Variants in DENND4C observed in about 807,000 individuals in gnomAD.
DENND4C encodes the protein DENN domain-containing protein 4C.
DENND4C carries 108 observed loss-of-function variants against 203.0 expected under a neutral mutation model. The ratio of observed to expected loss-of-function variants is 0.53; its 90% CI spans 0.46 to 0.62. The LOEUF (loss-of-function observed/expected upper bound fraction) is 0.62. Among genes scored for constraint, DENND4C ranks in the 20% least tolerant of loss-of-function variants. The pLI, the probability that DENND4C is intolerant of heterozygous loss-of-function variation, is 0.00. For missense variants in DENND4C, 2,481 were observed against 2,301.2 expected, an observed-to-expected ratio of 1.08 and a Z score of -1.60; for synonymous variants, 871 against 792.4, an observed-to-expected ratio of 1.10 and a Z score of -1.67.
chr9:19,337,656 A>G, intron 20 of DENND4C: 1 of 1,288,660 alleles, frequency 7.8e-7, no homozygotes, highest in Non-Finnish European at 1.0e-6. Context: ...TCTACCCTTG[A>G]ATGTTAACCA....
chr9:19,267,312 T>C (rs1387038252), intron 1 of DENND4C, among the ~76,000 whole-genome samples: 1 of 152,228 alleles, frequency 6.6e-6, no homozygotes, highest in Non-Finnish European at 1.5e-5. Context: ...TGTGTATTTA[T>C]AAATGTTACA....
chr9:19,263,242 C>G (rs78239288), intron 1 of DENND4C, among the ~76,000 whole-genome samples: 2 of 152,122 alleles, frequency 1.3e-5, no homozygotes, highest in African/African-American at 4.8e-5. Context: ...TCACATTGAT[C>G]GATTTGTTTA....
intron 1 of DENND4C, among the ~76,000 whole-genome samples, chr9:19,269,287 A>C (rs573190947): frequency 6.6e-6 from 1 of 152,080 alleles, no homozygotes; most frequent in East Asian, 1.9e-4. Flanking sequence ...TCGCCTCCCG[A>C]GTAGCTGGAA....
intron 1 of DENND4C, among the ~76,000 whole-genome samples, chr9:19,275,354 G>C (rs1359714923): frequency 1.4e-5 from 2 of 142,330 alleles, no homozygotes; most frequent in African/African-American, 5.3e-5. Context: ...GTGCAGTGGC[G>C]CAATTTGGGC....
chr9:19,263,816 C>T (rs757517438), intron 1 of DENND4C, among the ~76,000 whole-genome samples: 1 of 151,844 alleles, frequency 6.6e-6, no homozygotes, highest in Admixed American at 6.6e-5. Flanking sequence ...CCACCACGCC[C>T]GGCTAAATTT....
Position 19,352,189 on chromosome 9 carries a change from G to A in DENND4C, c.4605+7G>A, listed in dbSNP as rs772565326. The A allele has an allele frequency of 1.5e-5, 24 of 1,607,710 alleles. 1 individual carries two copies. The Middle Eastern group carries it at 4.9e-4, about 33-fold the overall frequency. ...TCAGAATTGTGCAATGGAGGTAAAA[G>A]TTCTATATTCAGTTCATGATAAAGT... On this transcript the variant is annotated splice_region_variant and intron_variant, in intron 25 of 32. Coordinates refer to ENST00000434457, the MANE Select transcript of DENND4C (RefSeq NM_001330640.2).
chr9:19,353,594 C>T (rs572659029), intron 26 of DENND4C, among the ~76,000 whole-genome samples: 1 of 151,800 alleles, frequency 6.6e-6, no homozygotes, highest in South Asian at 2.1e-4. Context: ...CACCACTGCA[C>T]TCCAGTCTGG....
At chr9:19,335,295 T>C (rs1475514987) in intron 18 of DENND4C, among the ~76,000 whole-genome samples, 190 bp downstream of exon 18, 2 of 152,164 alleles carry the variant, frequency 1.3e-5, no homozygotes, top group East Asian at 3.8e-4. Flanking sequence ...TTGAGATATG[T>C]ATATTGTGGA....
chr9:19,337,834 G>T (rs1386891915), intron 20 of DENND4C, among the ~76,000 whole-genome samples: 1 of 152,026 alleles, frequency 6.6e-6, no homozygotes, highest in Non-Finnish European at 1.5e-5. Context: ...AAAATATCCA[G>T]CTAACTTTTT....
chr9:19,254,032 C>G (rs1207916488), intron 1 of DENND4C, among the ~76,000 whole-genome samples: 1 of 152,110 alleles, frequency 6.6e-6, no homozygotes, highest in Non-Finnish European at 1.5e-5. Context: ...AACTGTATAT[C>G]TAAGTTGATT....
intron 7 of DENND4C, among the ~76,000 whole-genome samples, chr9:19,298,549 C>T (rs751165163): frequency 2.0e-5 from 3 of 152,014 alleles, no homozygotes; most frequent in Admixed American, 6.6e-5. Flanking sequence ...AAGTAGCAGA[C>T]GTAGGTAGGT....
intron 6 of DENND4C, among the ~76,000 whole-genome samples, chr9:19,296,914 G>T (rs1275173904): frequency 6.6e-6 from 1 of 152,182 alleles, no homozygotes; most frequent in Non-Finnish European, 1.5e-5. Context: ...TAGTCGGAAT[G>T]AGTTAATTGA....
Position 19,300,277 on chromosome 9 carries a change from G to C in DENND4C, c.1257G>C (p.Leu419=), listed in dbSNP as rs367639365. ...LLFVLLESKI[L]LHSLRPAVLT... ...TTGTTTTACTTGAGAGTAAAATTCT[G>C]CTGCATTCTCTTAGGCCAGCTGTCT... The change falls in exon 9 of 33, where the codon CTG becomes CTC. Residue 419 remains leucine, a synonymous_variant. Coordinates refer to ENST00000434457, the MANE Select transcript of DENND4C (RefSeq NM_001330640.2). 23 of 1,611,986 alleles carry C rather than the reference G, an allele frequency of 1.4e-5. No individual in the cohort carries two copies. The highest frequency in any genetic ancestry group is 2.0e-5 in the Non-Finnish European group (23 of 1,178,636).
At chr9:19,321,176 C>T (rs1842818583) in intron 12 of DENND4C, among the ~76,000 whole-genome samples, 1 of 152,202 alleles carries the variant, frequency 6.6e-6, no homozygotes, top group Admixed American at 6.5e-5. Flanking sequence ...TCCTTGGCTT[C>T]CATACAGAGA....
At position 19,358,083 on chromosome 9, in the gene DENND4C, C is replaced by G. The variant is rs374147482; in HGVS notation, c.5083C>G (p.Gln1695Glu). ...AAGTCACAGTGTTGGAGGCCCATTG[C>G]AGAATATTGACTTTACCCAGCGACC... The part of the protein sequence containing the change: ...TRSHSVGGPL[Q>E]NIDFTQRPFH... The change falls in exon 28 of 33, where the codon CAG becomes GAG. Residue 1695 changes from glutamine (Q) to glutamate (E), a missense_variant. Coordinates refer to ENST00000434457, the MANE Select transcript of DENND4C (RefSeq NM_001330640.2). The surrounding 1 kb of genome is among the most constrained non-coding windows in gnomAD (Gnocchi z 4.8). 3 of 1,613,830 alleles carry G rather than the reference C, an allele frequency of 1.9e-6. No individual in the cohort carries two copies. In the African/African-American group the frequency reaches 4.0e-5, roughly 22 times the overall value.
At chr9:19,356,788 T>TGAGAGAGAGAGAGA (rs60635871) in intron 26 of DENND4C, among the ~76,000 whole-genome samples, 184 bp from the exon 27 acceptor site, 5 of 140,378 alleles carry the variant, frequency 3.6e-5, no homozygotes, top group South Asian at 2.2e-4. Flanking sequence ...TGTGTGTGTG[T>TGAGAGAGAGAGAGA]GAGAGAGAGA....
Position 19,294,212 on chromosome 9 carries a change from C to T in DENND4C, c.802-1796C>T, listed in dbSNP as rs529362241. Among the ~76,000 whole-genome samples, 4 of 150,804 alleles carry T rather than the reference C, an allele frequency of 2.7e-5. No individual in the cohort carries two copies. In the East Asian group the frequency reaches 7.8e-4, roughly 29 times the overall value. On this transcript the variant is annotated intron_variant, in intron 5 of 32. Transcript: ENST00000434457. ...TAAAACCATGAGAGAATGAAATGTT[C>T]CAAATAGAAGTGTGAAGTTAGAACC...
rs766638485 is a variant in DENND4C at position 19,305,413 on chromosome 9, C to T, written c.1373C>T (p.Ala458Val). 1 of 1,613,900 alleles carries T rather than the reference C, an allele frequency of 6.2e-7. No individual in the cohort carries two copies. The highest frequency in any genetic ancestry group is 2.2e-5 in the East Asian group (1 of 44,854). The stretch of plus-strand genomic sequence containing the variant: ...CCCCTTTGTCCTCTTTCACTGGCTG[C>T]AGTGCTTAGTGCACCTTTACCATTT... ...YIPLCPLSLA[A>V]VLSAPLPFIV... is the part of the protein sequence containing the mutation. The change falls in exon 10 of 33, where the codon GCA (alanine) becomes GTA (valine). Residue 458 changes from alanine (A) to valine (V), a missense_variant. Around this residue, in one of 3 missense-constraint regions of DENND4C, gnomAD observed 2,289 missense variants for 2,113.3 expected, o/e 1.08. Transcript: ENST00000434457.
intron 1 of DENND4C, among the ~76,000 whole-genome samples, chr9:19,231,354 G>T (rs189276402): frequency 6.6e-6 from 1 of 152,252 alleles, no homozygotes; most frequent in Admixed American, 6.5e-5. Context: ...TGTCTCTGGT[G>T]AATTGAAGAC....
Sources: gnomAD v4.1 joint callset for allele counts (sites outside exome capture counted in the v4.1 genomes callset) on GRCh38, gnomAD v4.1.1 for gene constraint, gnomAD v4.1.1 regional missense constraint, Gnocchi (gnomAD v3.1) non-coding constraint, MANE v1.5 for transcripts, NCBI Gene and HGNC (gene_info 2026-07-23, HGNC 2026-07-21) for gene names.